The following SRGAP2 variants were observed in gnomAD, a reference collection of about 807,000 sequenced individuals.
SRGAP2 encodes SLIT-ROBO Rho GTPase activating protein 2, also known as SLIT-ROBO Rho GTPase-activating protein 2.
Under a neutral mutation model 57.2 loss-of-function variants are expected in SRGAP2, and 15 were observed. The observed-to-expected ratio is 0.26, with a 90% CI of 0.18 to 0.40. The LOEUF (loss-of-function observed/expected upper bound fraction) is 0.40, where lower values mean the gene tolerates loss of function less well. Among genes scored for constraint, SRGAP2 ranks in the 10% least tolerant of loss-of-function variants. SRGAP2 has a pLI of 1.00. For missense variants in SRGAP2, 520 were observed against 669.6 expected (o/e 0.78, Z 2.47); for synonymous variants, 249 against 248.0 (o/e 1.00, Z -0.04).
intron 2 of SRGAP2, among the ~76,000 whole-genome samples, chr1:206,220,801 C>T (rs1373398834): frequency 2.2e-4 from 33 of 152,304 alleles, no homozygotes; most frequent in African/African-American, 2.6e-4. Flanking sequence ...ACTTTCAAGG[C>T]GTTGGCTTAT....
intron 7 of SRGAP2, among the ~76,000 whole-genome samples, chr1:206,401,175 A>G (rs1553355302): frequency 6.6e-6 from 1 of 152,186 alleles, no homozygotes; most frequent in Non-Finnish European, 1.5e-5. Flanking sequence ...AAATAATGTC[A>G]TTTTATCCTT....
chr1:206,440,667 C>T (rs532094688), intron 17 of SRGAP2, among the ~76,000 whole-genome samples: 2 of 152,060 alleles, frequency 1.3e-5, no homozygotes, highest in Admixed American at 6.5e-5. Flanking sequence ...CCTGCCTCAG[C>T]CTCCTGAGTA....
intron 21 of SRGAP2, chr1:206,458,221 AC>A: frequency 2.6e-6 from 1 of 392,148 alleles, no homozygotes; most frequent in Non-Finnish European, 5.1e-6. Context: ...CTATCCTCTT[AC>A]CAGCAATCTT....
intron 7 of SRGAP2, among the ~76,000 whole-genome samples, chr1:206,396,073 C>T (rs1657557573): frequency 6.8e-6 from 1 of 147,666 alleles, no homozygotes; most frequent in Admixed American, 6.7e-5. Flanking sequence ...AGCTCCGCCT[C>T]CCAGGTTCAC....
chr1:206,314,025 A>G (rs1179711137), intron 3 of SRGAP2, among the ~76,000 whole-genome samples: 3 of 151,854 alleles, frequency 2.0e-5, no homozygotes, highest in African/African-American at 7.3e-5. Context: ...AGAGGTCTGT[A>G]AAGTGTCTTT....
intron 2 of SRGAP2, among the ~76,000 whole-genome samples, chr1:206,233,503 C>T (rs1242346260): frequency 2.7e-5 from 4 of 147,272 alleles, no homozygotes; most frequent in South Asian, 2.2e-4. Flanking sequence ...TGCTCAGTCT[C>T]GATCTCCTTA....
rs561456003 is a variant in SRGAP2, at chr1:206,210,637, A to G, written c.67+4600A>G. On this transcript the variant is annotated intron_variant, in intron 2 of 22. Transcript: ENST00000573034. ...ACTTGGGAATGTTGATGGCTGGTAT[A>G]TAAACAAGCTCTTTCCCTTGGGAGG... Among the ~76,000 whole-genome samples, 34 of 149,942 alleles carry G rather than the reference A, an allele frequency of 2.3e-4. 1 individual carries two copies. In the South Asian group the frequency reaches 5.9e-3, roughly 26 times the overall value.
intron 4 of SRGAP2, among the ~76,000 whole-genome samples, chr1:206,375,551 A>G (rs753367303): frequency 6.6e-6 from 1 of 152,104 alleles, no homozygotes; most frequent in Non-Finnish European, 1.5e-5. Context: ...GTTTTAAGGG[A>G]TGTTGTTTTG....
chr1:206,319,281 G>A (rs1673290905), intron 3 of SRGAP2, among the ~76,000 whole-genome samples: 1 of 147,366 alleles, frequency 6.8e-6, no homozygotes, highest in Non-Finnish European at 1.5e-5. Flanking sequence ...TGTGGTGGCG[G>A]GTGCCTGTCG....
intron 21 of SRGAP2, 185 bp from the exon 22 acceptor site, chr1:206,458,438 T>G: frequency 1.4e-6 from 1 of 714,652 alleles, no homozygotes; most frequent in Non-Finnish European, 2.6e-6. Context: ...TTCACCCAGC[T>G]TGGGGGTGGC....
At chr1:206,444,192 A>G (rs79811781) in intron 17 of SRGAP2, among the ~76,000 whole-genome samples, 2 of 152,064 alleles carry the variant, frequency 1.3e-5, no homozygotes, top group Non-Finnish European at 2.9e-5. Context: ...AAAAAAAAAA[A>G]GAACCACTGC....
At chr1:206,410,496 C>T (rs1659120837) in intron 10 of SRGAP2, among the ~76,000 whole-genome samples, 1 of 152,214 alleles carries the variant, frequency 6.6e-6, no homozygotes, top group Non-Finnish European at 1.5e-5. Flanking sequence ...CCCCTCCCCT[C>T]TGCTGGTGAT....
chr1:206,373,904 T>C (rs1469728673), intron 4 of SRGAP2, among the ~76,000 whole-genome samples: 44 of 151,472 alleles, frequency 2.9e-4, no homozygotes, highest in Admixed American at 2.6e-3. Context: ...CAGTGAATGA[T>C]TAAACAACTA....
At chr1:206,333,652 G>A (rs1169387151) in intron 3 of SRGAP2, among the ~76,000 whole-genome samples, 1 of 152,048 alleles carries the variant, frequency 6.6e-6, no homozygotes, top group Non-Finnish European at 1.5e-5. Flanking sequence ...TCAGCTTCCC[G>A]AGTAGCCAGG....
At chr1:206,367,645 AG>A (rs1654153558) in intron 4 of SRGAP2, among the ~76,000 whole-genome samples, 1 of 138,920 alleles carries the variant, frequency 7.2e-6, no homozygotes, top group Non-Finnish European at 1.5e-5. Flanking sequence ...AGGATGAAGG[AG>A]AGCACCGGAA....
chr1:206,270,472 A>G (rs1670124371), intron 2 of SRGAP2, among the ~76,000 whole-genome samples: 1 of 100,084 alleles, frequency 1.0e-5, no homozygotes, highest in Non-Finnish European at 1.9e-5. Flanking sequence ...TTTAAAATGT[A>G]TATACCCTTT....
At chr1:206,226,495 T>G (rs1306024504) in intron 2 of SRGAP2, among the ~76,000 whole-genome samples, 15 of 152,040 alleles carry the variant, frequency 9.9e-5, no homozygotes, top group African/African-American at 3.6e-4. Context: ...CTCTGACCCT[T>G]GCCATCAACT....
intron 2 of SRGAP2, among the ~76,000 whole-genome samples, chr1:206,270,766 AC>A (rs1276016216): frequency 9.5e-5 from 4 of 42,078 alleles, no homozygotes; most frequent in African/African-American, 4.4e-4. Flanking sequence ...AGGGGCATAT[AC>A]ACAGATGCTT....
At chr1:206,254,115 C>G (rs1669031177) in intron 2 of SRGAP2, among the ~76,000 whole-genome samples, 1 of 110,156 alleles carries the variant, frequency 9.1e-6, no homozygotes, top group Admixed American at 8.7e-5. Context: ...CCTAGTCTCT[C>G]TTGTAGGCAG....
Sources: allele counts gnomAD v4.1 joint callset (sites outside exome capture counted in the v4.1 genomes callset), GRCh38; gene constraint gnomAD v4.1.1; transcripts MANE v1.5; gene names NCBI Gene and HGNC (gene_info 2026-07-23, HGNC 2026-07-21).